GALNT13: variants seen among roughly 807,000 people sequenced by gnomAD.
The protein encoded by GALNT13 is polypeptide N-acetylgalactosaminyltransferase 13, also known as UDP-GalNAc:polypeptide N-acetylgalactosaminyltransferase 13.
Under a neutral mutation model 64.2 loss-of-function variants are expected in GALNT13, and 28 were observed. The observed-to-expected ratio is 0.44, with a 90% confidence interval of 0.32 to 0.60. The LOEUF (loss-of-function observed/expected upper bound fraction) is 0.60, where lower values mean the gene tolerates loss of function less well. GALNT13 is among the 20% of genes least tolerant of loss of function. GALNT13 has a pLI of 0.05. For synonymous variants in GALNT13, 214 were observed against 224.6 expected (o/e 0.95, Z 0.42); for missense variants, 577 against 669.8 (o/e 0.86, Z 1.53).
the GALNT13 span, among the ~76,000 whole-genome samples, chr2:153,270,210 C>T: frequency 6.6e-6 from 1 of 152,082 alleles, no homozygotes; most frequent in South Asian, 2.1e-4. Flanking sequence ...AATAAATGTT[C>T]CAACATGCAA....
chr2:153,748,345 A>G, the GALNT13 span, among the ~76,000 whole-genome samples: 7 of 152,118 alleles, frequency 4.6e-5, no homozygotes, highest in African/African-American at 7.2e-5. Context: ...TTTTTTTAGG[A>G]ATCTCCAAAT....
chr2:153,383,106 A>G, the GALNT13 span, among the ~76,000 whole-genome samples: 1 of 152,106 alleles, frequency 6.6e-6, no homozygotes, highest in Non-Finnish European at 1.5e-5. Flanking sequence ...TTCTTTTAGT[A>G]GTGAATTCAC....
chr2:154,244,344 G>T (rs563672570), intron 6 of GALNT13, among the ~76,000 whole-genome samples: 2 of 152,158 alleles, frequency 1.3e-5, no homozygotes, highest in African/African-American at 4.8e-5. Flanking sequence ...AATAAAGGAA[G>T]TGAGAAAAAT....
intron 9 of GALNT13, among the ~76,000 whole-genome samples, chr2:154,380,407 A>C (rs1698210315): frequency 6.6e-6 from 1 of 152,064 alleles, no homozygotes; most frequent in Admixed American, 6.6e-5. Flanking sequence ...AGGTGATAGC[A>C]TATCTTTTTT....
the GALNT13 span, among the ~76,000 whole-genome samples, chr2:153,179,343 T>C: frequency 2.0e-5 from 3 of 152,250 alleles, no homozygotes; most frequent in African/African-American, 7.2e-5. Flanking sequence ...GGCACCTTTA[T>C]TGAAAATCAA....
chr2:154,150,765 C>T (rs771643143), intron 4 of GALNT13, among the ~76,000 whole-genome samples: 10 of 152,194 alleles, frequency 6.6e-5, no homozygotes, highest in East Asian at 1.9e-4. Context: ...TCTGTGGGAT[C>T]GGTGGTGATA....
At chr2:154,107,795 C>T (rs1227339330) in intron 3 of GALNT13, among the ~76,000 whole-genome samples, 3 of 151,972 alleles carry the variant, frequency 2.0e-5, no homozygotes, top group Admixed American at 2.0e-4. Context: ...TGTAAAAGCA[C>T]TCTGTTCTCT....
the GALNT13 span, among the ~76,000 whole-genome samples, chr2:153,522,756 G>A: frequency 4.6e-5 from 7 of 152,100 alleles, no homozygotes; most frequent in East Asian, 3.9e-4. Context: ...TTTGGATAAC[G>A]GTGCTTTAAT....
intron 3 of GALNT13, among the ~76,000 whole-genome samples, chr2:154,129,193 C>T (rs73005438): frequency 0.055 from 8,363 of 152,092 alleles, 346 homozygotes; most frequent in South Asian, 0.12. Context: ...TTTGTATCCC[C>T]GCCATCCCAA....
chr2:153,312,839 G>A, the GALNT13 span, among the ~76,000 whole-genome samples: 4 of 152,100 alleles, frequency 2.6e-5, no homozygotes, highest in South Asian at 2.1e-4. Context: ...TTAAGAGGTC[G>A]ATTTAAAGGG....
chr2:154,411,255 C>T (rs898553580), intron 11 of GALNT13, among the ~76,000 whole-genome samples: 1 of 142,136 alleles, frequency 7.0e-6, no homozygotes, highest in East Asian at 2.1e-4. Flanking sequence ...TCTACAAGAT[C>T]AATTTAATAA....
At chr2:154,022,104 C>G (rs1290094631) in intron 3 of GALNT13, among the ~76,000 whole-genome samples, 5 of 152,114 alleles carry the variant, frequency 3.3e-5, no homozygotes, top group Non-Finnish European at 7.3e-5. Flanking sequence ...ATTCGGTTTG[C>G]CAGTATTTTA....
the GALNT13 span, among the ~76,000 whole-genome samples, chr2:153,403,637 G>T: frequency 2.4e-3 from 362 of 152,268 alleles, 3 homozygotes; most frequent in African/African-American, 8.0e-3. Context: ...GTGATGCGCC[G>T]TTTTTCAAGC....
At chr2:154,383,433 CTAGA>C (rs1055381765) in intron 9 of GALNT13, among the ~76,000 whole-genome samples, 9 of 151,832 alleles carry the variant, frequency 5.9e-5, no homozygotes, top group Non-Finnish European at 1.2e-4. Flanking sequence ...TACAGTCTGC[CTAGA>C]TAGTCAACAA....
the GALNT13 span, among the ~76,000 whole-genome samples, chr2:153,191,800 G>C: frequency 6.6e-6 from 1 of 151,514 alleles, no homozygotes; most frequent in Non-Finnish European, 1.5e-5. Flanking sequence ...TAGGTTGTAT[G>C]TATTCAGAAA....
the GALNT13 span, among the ~76,000 whole-genome samples, chr2:153,195,085 G>A: frequency 6.6e-6 from 1 of 152,196 alleles, no homozygotes; most frequent in Non-Finnish European, 1.5e-5. Flanking sequence ...GTCAGTAGTG[G>A]CAGTGGGGGG....
At chr2:154,149,641 A>C (rs1236379543) in intron 4 of GALNT13, among the ~76,000 whole-genome samples, 2 of 152,176 alleles carry the variant, frequency 1.3e-5, no homozygotes, top group South Asian at 2.1e-4. Flanking sequence ...GAGGTCCTTC[A>C]CGTCCCTTGT....
intron 7 of GALNT13, among the ~76,000 whole-genome samples, chr2:154,252,977 G>A (rs1198225488): frequency 6.6e-6 from 1 of 152,194 alleles, no homozygotes; most frequent in South Asian, 2.1e-4. Flanking sequence ...AAATTAATTG[G>A]ACCCAGAAAA....
chr2:154,326,782 A>G (rs2105179630), intron 9 of GALNT13, among the ~76,000 whole-genome samples: 1 of 152,266 alleles, frequency 6.6e-6, no homozygotes, highest in African/African-American at 2.4e-5. Context: ...TGAAGCTAGT[A>G]AGAGGGAAGG....
Sources: gnomAD v4.1 joint callset for allele counts (sites outside exome capture counted in the v4.1 genomes callset) on GRCh38, gnomAD v4.1.1 for gene constraint, MANE v1.5 for transcripts, NCBI Gene and HGNC (gene_info 2026-07-23, HGNC 2026-07-21) for gene names.